Variants in ANKRD33B observed in about 807,000 individuals in gnomAD.
ANKRD33B encodes ankyrin repeat domain-containing protein 33B.
ANKRD33B carries 6 observed loss-of-function variants against 21.5 expected under a neutral mutation model. The observed-to-expected ratio is 0.28, with a 90% confidence interval of 0.15 to 0.55. The LOEUF (loss-of-function observed/expected upper bound fraction) is 0.55. Ranked by LOEUF, ANKRD33B falls within the 20% of genes least tolerant of loss-of-function variation. The pLI is 0.94. For missense variants in ANKRD33B, 698 were observed against 747.2 expected, an observed-to-expected ratio of 0.93 and a Z score of 0.77; for synonymous variants, 347 against 342.4, an observed-to-expected ratio of 1.01 and a Z score of -0.15.
chr5:10,589,216 C>G (rs1735631580), intron 1 of ANKRD33B, among the ~76,000 whole-genome samples: 1 of 152,106 alleles, frequency 6.6e-6, no homozygotes, highest in African/African-American at 2.4e-5. Context: ...ACCCACAGGC[C>G]CCTCCGTTTC....
At position 10,649,345 on chromosome 5, in the gene ANKRD33B, C is replaced by T. The variant is rs1180983384; in HGVS notation, c.717C>T (p.Ala239=). The T allele has an allele frequency of 3.3e-6, 5 of 1,535,124 alleles. No individual in the cohort carries two copies. The Admixed American group carries it at 5.9e-5, about 18-fold the overall frequency. The change falls in exon 4 of 4, where the codon GCC becomes GCT. Residue 239 remains alanine, a synonymous_variant. Transcript: ENST00000296657. ...CCACTTACACGGGCCGCGTGGATGC[C>T]GTCCGTCTCATGCAGAGGCTGCTGG... ...EWATYTGRVD[A]VRLMQRLLER...
At chr5:10,609,629 C>T (rs1422789196) in intron 1 of ANKRD33B, among the ~76,000 whole-genome samples, 1 of 152,178 alleles carries the variant, frequency 6.6e-6, no homozygotes, top group East Asian at 1.9e-4. Context: ...TCAAACTGGG[C>T]TAGGTGCTGT....
At chr5:10,586,485 CTGTGTGTGTGTGTGTGTGTGTGTG>C (rs55940283) in intron 1 of ANKRD33B, among the ~76,000 whole-genome samples, 4,932 of 140,508 alleles carry the variant, frequency 0.035, 108 homozygotes, top group Non-Finnish European at 0.046. Flanking sequence ...GTTCTTGTAA[CTGTGTGTGTGTGTGTGTGTGTGTG>C]TGTGTGTGTG....
chr5:10,614,471 G>C (rs1474421058), intron 1 of ANKRD33B, among the ~76,000 whole-genome samples: 1 of 152,184 alleles, frequency 6.6e-6, no homozygotes, highest in Non-Finnish European at 1.5e-5. Flanking sequence ...CCATCTCACT[G>C]TCTTGCCCAG....
chr5:10,603,837 G>T (rs1347251309), intron 1 of ANKRD33B, among the ~76,000 whole-genome samples: 1 of 150,786 alleles, frequency 6.6e-6, no homozygotes, highest in Non-Finnish European at 1.5e-5. Flanking sequence ...ATAAATGTAA[G>T]ATTATACCAT....
In ANKRD33B at chr5:10,616,455, T is replaced by C. The variant is rs145344488; in HGVS notation, c.367-1878T>C. Among the ~76,000 whole-genome samples, 1,371 of 151,428 alleles carry C rather than the reference T, an allele frequency of 9.1e-3. 18 individuals carry two copies. The highest frequency in any genetic ancestry group is 0.031 in the African/African-American group (1,273 of 41,210). ...GGCACATGACTGTAATCCCAGTTAC[T>C]TGAGAGACTGAAGCAGGAGAATCGC... On this transcript the variant is annotated intron_variant, in intron 1 of 3. Transcript: ENST00000296657.
chr5:10,636,737 A>G (rs1357927172), intron 2 of ANKRD33B, among the ~76,000 whole-genome samples: 1 of 152,164 alleles, frequency 6.6e-6, no homozygotes, highest in Non-Finnish European at 1.5e-5. Context: ...AGGGGCCTGG[A>G]TGGAGGTGGC....
chr5:10,588,469 A>G (rs767729146), intron 1 of ANKRD33B, among the ~76,000 whole-genome samples: 3 of 152,134 alleles, frequency 2.0e-5, no homozygotes, highest in Admixed American at 6.5e-5. Flanking sequence ...TGACTCTCTT[A>G]GGAAATTGTT....
At chr5:10,586,315 G>T (rs993351707) in intron 1 of ANKRD33B, among the ~76,000 whole-genome samples, 1 of 152,132 alleles carries the variant, frequency 6.6e-6, no homozygotes, top group Non-Finnish European at 1.5e-5. Flanking sequence ...ACCTATAAGT[G>T]TACTCTGACA....
intron 1 of ANKRD33B, among the ~76,000 whole-genome samples, chr5:10,596,044 A>G (rs1052746287): frequency 6.6e-6 from 1 of 152,260 alleles, no homozygotes; most frequent in Non-Finnish European, 1.5e-5. Context: ...TGTTTTTGGC[A>G]TAAGCCGAAC....
intron 1 of ANKRD33B, among the ~76,000 whole-genome samples, chr5:10,593,019 G>A (rs1579721984): frequency 6.6e-6 from 1 of 152,214 alleles, no homozygotes; most frequent in African/African-American, 2.4e-5. Context: ...TGTTAGGTAA[G>A]GACCTTCCTA....
intron 1 of ANKRD33B, among the ~76,000 whole-genome samples, chr5:10,579,549 C>A (rs1467335205): frequency 6.6e-6 from 1 of 151,996 alleles, no homozygotes; most frequent in Non-Finnish European, 1.5e-5. Context: ...CACTTTCACT[C>A]AAAAAATACC....
At chr5:10,634,137 C>T (rs908699422) in intron 2 of ANKRD33B, among the ~76,000 whole-genome samples, 10 of 152,314 alleles carry the variant, frequency 6.6e-5, no homozygotes, top group African/African-American at 2.2e-4. Flanking sequence ...CCTCATTTTA[C>T]AGATATGGAA....
At chr5:10,574,129 A>T (rs867521145) in intron 1 of ANKRD33B, among the ~76,000 whole-genome samples, 4 of 152,198 alleles carry the variant, frequency 2.6e-5, no homozygotes, top group Non-Finnish European at 4.4e-5. Context: ...CACACATATC[A>T]TTCCACCGGC....
At chr5:10,640,316 G>A (rs1159813229) in intron 3 of ANKRD33B, among the ~76,000 whole-genome samples, 2 of 152,114 alleles carry the variant, frequency 1.3e-5, no homozygotes, top group East Asian at 1.9e-4. Flanking sequence ...CTTGGAGAAC[G>A]CACTTTCCTG....
At chr5:10,599,726 A>C (rs778654428) in intron 1 of ANKRD33B, among the ~76,000 whole-genome samples, 23 of 152,302 alleles carry the variant, frequency 1.5e-4, no homozygotes, top group African/African-American at 5.5e-4. Flanking sequence ...TTGCCTGTCC[A>C]TTTATCTGTT....
chr5:10,607,023 G>A (rs918296628), intron 1 of ANKRD33B, among the ~76,000 whole-genome samples: 1 of 151,910 alleles, frequency 6.6e-6, no homozygotes, highest in Admixed American at 6.6e-5. Flanking sequence ...GAGCCACCAC[G>A]CCCAGCCCAT....
chr5:10,638,855 G>C (rs1385310008), intron 3 of ANKRD33B, among the ~76,000 whole-genome samples: 4 of 152,146 alleles, frequency 2.6e-5, no homozygotes, highest in Non-Finnish European at 5.9e-5. Flanking sequence ...AACATTAAGA[G>C]GCAATGTGGA....
chr5:10,564,917 C>A, intron 1 of ANKRD33B, 84 bp downstream of exon 1: 1 of 1,420,742 alleles, frequency 7.0e-7, no homozygotes, highest in Non-Finnish European at 9.2e-7. Flanking sequence ...CCTCCCAGCT[C>A]CTGGCTCCGG....
Sources: allele counts gnomAD v4.1 joint callset (sites outside exome capture counted in the v4.1 genomes callset), GRCh38; gene constraint gnomAD v4.1.1; transcripts MANE v1.5; gene names NCBI Gene and HGNC (gene_info 2026-07-23, HGNC 2026-07-21).